The following LOXL4 variants were observed in gnomAD, a reference collection of about 807,000 sequenced individuals.
LOXL4 encodes the protein lysyl oxidase like 4.
LOXL4 carries 72 observed loss-of-function variants against 89.1 expected under a neutral mutation model. That is an observed-to-expected ratio of 0.81 (90% confidence interval 0.67 to 0.98). The LOEUF (loss-of-function observed/expected upper bound fraction) is 0.98, where lower values mean the gene tolerates loss of function less well. Ranked by LOEUF, LOXL4 falls within the 50% of genes least tolerant of loss-of-function variation. The pLI is 0.00. For synonymous variants in LOXL4, 355 were observed against 392.1 expected (o/e 0.91, Z 1.12); for missense variants, 984 against 1,017.5 (o/e 0.97, Z 0.45).
intron 9 of LOXL4, chr10:98,256,060 T>G: frequency 2.3e-5 from 6 of 256,086 alleles, no homozygotes; most frequent in Admixed American, 5.1e-5. Flanking sequence ...GTGCTCACAT[T>G]TCCCCAGCTG....
At chr10:98,249,737 C>T (rs890403855) in intron 14 of LOXL4, among the ~76,000 whole-genome samples, 1 of 152,206 alleles carries the variant, frequency 6.6e-6, no homozygotes, top group African/African-American at 2.4e-5. Context: ...CCTGGGAACC[C>T]TTGCAGCCTG....
rs912869348 is a variant in LOXL4 at position 98,257,677 on chromosome 10, A to G, written c.1233T>C (p.Asn411=). ...GATTCTGAAAGCCCATGTTAGGGAC[A>G]TTGCACCTGACAGCAGCATCATTCT... ...QHENDAAVRC[N]VPNMGFQNQV... The change falls in exon 8 of 15, where the codon AAT becomes AAC. Residue 411 remains asparagine (N), a synonymous_variant. Transcript: ENST00000260702. The G allele has an allele frequency of 9.9e-6, 16 of 1,614,050 alleles. 1 individual carries two copies. The highest frequency in any genetic ancestry group is 1.7e-5 in the Admixed American group (1 of 60,016).
chr10:98,251,433 A>G (rs1858188880), intron 13 of LOXL4, 133 bp downstream of exon 13: 1 of 1,256,590 alleles, frequency 8.0e-7, no homozygotes, highest in African/African-American at 1.5e-5. Context: ...CTTCCCTAAC[A>G]GGACAGCTCC....
chr10:98,253,507 T>A, intron 11 of LOXL4, 46 bp downstream of exon 11: 5 of 1,612,114 alleles, frequency 3.1e-6, no homozygotes, highest in Non-Finnish European at 4.2e-6. Context: ...TGGACCCTGC[T>A]TTTTGTTCCT....
rs762922780 is a variant in LOXL4 at position 98,255,616 on chromosome 10, C to T, written c.1552G>A (p.Gly518Ser). The part of the protein sequence containing the change: ...QRHGPVHCSH[G>S]GGRFLAGVSC... ...ACTCCAGCCAGGAAGCGCCCGCCAC[C>T]GTGGGAGCAGTGCACCGGCCCGTGC... The change falls in exon 10 of 15, where the codon GGT (glycine) becomes AGT (serine). Residue 518 changes from glycine (G) to serine (S), a missense_variant. By Grantham distance (56) the Gly-to-Ser change is moderately conservative. Coordinates refer to ENST00000260702, the MANE Select transcript of LOXL4 (RefSeq NM_032211.7). 64 of 1,612,240 alleles carry T rather than the reference C, an allele frequency of 4.0e-5. No homozygotes were observed. In the Admixed American group the frequency reaches 5.0e-4, roughly 13 times the overall value.
At chr10:98,259,488 A>T in intron 4 of LOXL4, 59 bp from the exon 5 acceptor site, 1 of 1,455,772 alleles carries the variant, frequency 6.9e-7, no homozygotes, top group Non-Finnish European at 9.6e-7. Context: ...ACCCCCTGCC[A>T]CCTGGTTCCT....
intron 12 of LOXL4, among the ~76,000 whole-genome samples, 155 bp from the exon 13 acceptor site, chr10:98,251,857 A>C (rs1398725147): frequency 2.6e-5 from 4 of 152,196 alleles, no homozygotes; most frequent in African/African-American, 9.7e-5. Context: ...ATAGCAAACC[A>C]CATTGTGACA....
intron 9 of LOXL4, 148 bp from the exon 10 acceptor site, chr10:98,255,887 C>T (rs935320344): frequency 2.0e-5 from 17 of 855,930 alleles, no homozygotes; most frequent in Non-Finnish European, 1.4e-5. Context: ...CCCGAATTCC[C>T]TGGGGCAGTC....
At chr10:98,250,373 G>T (rs566801034) in intron 14 of LOXL4, among the ~76,000 whole-genome samples, 61 of 152,304 alleles carry the variant, frequency 4.0e-4, no homozygotes, top group African/African-American at 1.4e-3. Flanking sequence ...TACATTCCCA[G>T]TTTCTGGGGC....
chr10:98,259,122 C>T lies in LOXL4; in HGVS notation c.808G>A (p.Gly270Ser), dbSNP rs753586508. The T allele has an allele frequency of 1.2e-5, 19 of 1,609,494 alleles. No individual in the cohort carries two copies. Among genetic ancestry groups the T allele is most frequent in the Non-Finnish European group, 1.4e-5 (17 of 1,178,582 alleles). ...CCTGGGCAGGCTGGCCGCAGCTTGCCCCGGGCTGGAGCCACCTGCACCTGG... is the reference window on the plus strand; with the variant it reads ...CCTGGGCAGGCTGGCCGCAGCTTGCTCCGGGCTGGAGCCACCTGCACCTGG... ...NCQVQVAPAR[G>S]KLRPACPGGM... The change falls in exon 6 of 15, where the codon GGC (glycine) becomes AGC (serine). Residue 270 changes from glycine to serine, a missense_variant. Gly to Ser is a moderately conservative substitution (Grantham distance 56, BLOSUM62 0). Transcript: ENST00000260702.
At position 98,251,287 on chromosome 10, in the gene LOXL4, A is replaced by C. The variant is rs540108978; in HGVS notation, c.2089-111T>G. 2.8e-4 allele frequency: 258 copies of C among 913,416 alleles called. No individual in the cohort carries two copies. The East Asian group carries it at 5.9e-3, about 21-fold the overall frequency. 56.6% of individuals were successfully genotyped at this position (913,416 alleles called of 1,614,324 possible). A position where few individuals can be genotyped will look rare whatever the true frequency, so the allele number is the denominator to read the frequency against. On this transcript the variant is annotated intron_variant, in intron 13 of 14. Transcript: ENST00000260702. Reference sequence around the variant, plus strand: ...TCTATTTGCTTCATTAATTCTTAACAATTACCCAGGAGGTAGGTACTGATG... The same window carrying C: ...TCTATTTGCTTCATTAATTCTTAACCATTACCCAGGAGGTAGGTACTGATG...
chr10:98,254,410 G>A (rs1356507567), intron 10 of LOXL4, among the ~76,000 whole-genome samples: 2 of 152,222 alleles, frequency 1.3e-5, no homozygotes, highest in Non-Finnish European at 2.9e-5. Flanking sequence ...TGGGCAGGCC[G>A]GCCGCAGCTT....
chr10:98,251,186 AAG>A lies in LOXL4; in HGVS notation c.2089-12_2089-11del, dbSNP rs768083287. The A allele has an allele frequency of 5.7e-5, 91 of 1,589,946 alleles. No individual in the cohort carries two copies. The highest frequency in any genetic ancestry group is 3.3e-4 in the Middle Eastern group (2 of 6,042). ...GGGGGTTCACAATCACCTAGAGTGA[AAG>A]AGGGGACAACTGAAAATGGGTGATT... On this transcript the variant is annotated splice_polypyrimidine_tract_variant and intron_variant, in intron 13 of 14. Transcript: ENST00000260702.
Position 98,255,582 on chromosome 10 carries a change from A to C in LOXL4, c.1586T>G (p.Met529Arg). Residue 529 changes from methionine to arginine, a missense_variant, in exon 10 of 15, where the codon ATG becomes AGG. By Grantham distance (91) the Met-to-Arg change is moderately conservative. Coordinates refer to ENST00000260702, the MANE Select transcript of LOXL4 (RefSeq NM_032211.7). ...GGRFLAGVSC[M>R]DSAPDLVMNA... ...GTGAGCCCTCCGTCACTCACTGTCC[A>C]TGCAGGAGACTCCAGCCAGGAAGCG... 6.2e-7 allele frequency: 1 copy of C among 1,607,512 alleles called. No individual in the cohort carries two copies. The highest frequency in any genetic ancestry group is 8.5e-7 in the Non-Finnish European group (1 of 1,174,806).
intron 10 of LOXL4, among the ~76,000 whole-genome samples, chr10:98,254,328 T>C (rs1419252940): frequency 2.0e-5 from 3 of 152,196 alleles, no homozygotes; most frequent in Non-Finnish European, 4.4e-5. Flanking sequence ...TCACTAAAAA[T>C]CACTATCACT....
chr10:98,266,678 G>A (rs368523453), intron 1 of LOXL4, among the ~76,000 whole-genome samples: 1 of 152,026 alleles, frequency 6.6e-6, no homozygotes, highest in Non-Finnish European at 1.5e-5. Context: ...ATAGGCCCCC[G>A]AGAGCTTTTG....
chr10:98,254,083 T>G (rs997580471), intron 10 of LOXL4, among the ~76,000 whole-genome samples: 5 of 152,208 alleles, frequency 3.3e-5, no homozygotes, highest in Admixed American at 6.5e-5. Context: ...ATTCACTAGC[T>G]CTATAACTGC....
At position 98,259,402 on chromosome 10, in the gene LOXL4, G is replaced by A. The variant is rs933743419; in HGVS notation, c.690C>T (p.Asp230=). The A allele has an allele frequency of 7.4e-6, 12 of 1,613,172 alleles. No individual in the cohort carries two copies. Among genetic ancestry groups the A allele is most frequent in the Non-Finnish European group, 8.5e-6 (10 of 1,179,836 alleles). ...YRKVWDLKMR[D]PKSRLKSLTN... ...GTGCTGCTCCTCACCTAGACTTAGG[G>A]TCCCTCATCTTCAGATCCCAGACTT... Residue 230 remains aspartate (D), a synonymous_variant, in exon 5 of 15, where the codon GAC becomes GAT. Transcript: ENST00000260702.
At chr10:98,253,199 C>T (rs1372717815) in intron 11 of LOXL4, among the ~76,000 whole-genome samples, 1 of 152,224 alleles carries the variant, frequency 6.6e-6, no homozygotes, top group Non-Finnish European at 1.5e-5. Flanking sequence ...TTTTGGGCCC[C>T]CAGGTTCCTG....
Sources: gnomAD v4.1 joint callset for allele counts (sites outside exome capture counted in the v4.1 genomes callset) on GRCh38, gnomAD v4.1.1 for gene constraint, MANE v1.5 for transcripts, NCBI Gene and HGNC (gene_info 2026-07-23, HGNC 2026-07-21) for gene names.